The following CHL1 variants were observed in gnomAD, a reference collection of about 807,000 sequenced individuals.
CHL1 encodes neural cell adhesion molecule L1-like protein.
A neutral mutation model predicts 141.9 loss-of-function variants in CHL1; 96 were observed. That is an observed-to-expected ratio of 0.68 (90% CI 0.57 to 0.80). The LOEUF is 0.80. Among genes scored for constraint, CHL1 ranks in the 30% least tolerant of loss-of-function variants. The pLI is 0.00. For missense variants in CHL1, 1,820 were observed against 1,457.2 expected, an observed-to-expected ratio of 1.25 and a Z score of -4.05; for synonymous variants, 613 against 502.2, an observed-to-expected ratio of 1.22 and a Z score of -2.95.
At chr3:370,853 A>G (rs1705541659) in intron 15 of CHL1, among the ~76,000 whole-genome samples, 1 of 152,042 alleles carries the variant, frequency 6.6e-6, no homozygotes, top group East Asian at 1.9e-4. Context: ...CCTTAATTTC[A>G]TTATTTACCT....
rs148126778 is a variant in CHL1, at chr3:302,854, T to C, written c.-94-16829T>C. ...TCTGAATGGTATTGCCCAGGTTTTC[T>C]TCTAGAGTTTTTATGGTCTAGGTCT... On this transcript the variant is annotated intron_variant, in intron 2 of 27. Transcript: ENST00000256509. 1.6e-3 allele frequency among the ~76,000 whole-genome samples: 250 copies of C among 152,352 alleles called. 2 individuals carry two copies. The highest frequency in any genetic ancestry group is 5.8e-3 in the African/African-American group (242 of 41,578).
chr3:209,533 T>C (rs1699719909), intron 1 of CHL1, among the ~76,000 whole-genome samples: 1 of 152,224 alleles, frequency 6.6e-6, no homozygotes, highest in Non-Finnish European at 1.5e-5. Flanking sequence ...TTCAATAATG[T>C]TAAATACAAA....
chr3:280,093 A>T (rs945693881), intron 2 of CHL1, among the ~76,000 whole-genome samples: 2 of 152,232 alleles, frequency 1.3e-5, no homozygotes, highest in African/African-American at 4.8e-5. Flanking sequence ...TGTAAAGATA[A>T]GTATTTTGGA....
chr3:386,947 C>T (rs1158214070), intron 19 of CHL1, among the ~76,000 whole-genome samples: 1 of 151,980 alleles, frequency 6.6e-6, no homozygotes, highest in Admixed American at 6.6e-5. Context: ...TTTTGAGTAG[C>T]TCAATTTAGC....
Position 401,655 on chromosome 3 carries a change from C to A in CHL1, c.3415C>A (p.Pro1139Thr), listed in dbSNP as rs746970271. ...VKEKEDLHPD[P>T]EIQSVKDETF... ...AGAAAAGGAAGATTTGCATCCAGAC[C>A]CAGAAATTCAGTCAGTAAAAGATGA... Residue 1139 changes from proline to threonine, a missense_variant, in exon 27 of 28, where the codon CCA (proline) becomes ACA (threonine). Physicochemically the swap from Pro to Thr is conservative, Grantham distance 38. Transcript: ENST00000256509. 2 of 1,595,262 alleles carry A rather than the reference C, an allele frequency of 1.3e-6. No individual in the cohort carries two copies. Among genetic ancestry groups the A allele is most frequent in the East Asian group, 4.5e-5 (2 of 44,318 alleles).
intron 2 of CHL1, among the ~76,000 whole-genome samples, chr3:248,962 G>A (rs535948399): frequency 6.6e-6 from 1 of 152,274 alleles, no homozygotes; most frequent in East Asian, 1.9e-4. Flanking sequence ...AAATAACTCA[G>A]AGCAAAATCC....
intron 1 of CHL1, among the ~76,000 whole-genome samples, chr3:207,938 C>G (rs188674063): frequency 4.7e-4 from 72 of 152,298 alleles, no homozygotes; most frequent in African/African-American, 1.6e-3. Flanking sequence ...ATGCACACTT[C>G]TGAGTCAAGT....
rs1158651422 is a variant in CHL1 at position 408,575 on chromosome 3, A to G, written c.*2864A>G. The G allele has an allele frequency of 6.6e-6, 1 of 152,092 alleles. No homozygotes were observed. Among genetic ancestry groups the G allele is most frequent in the African/African-American group, 2.4e-5 (1 of 41,416 alleles). 9.4% of individuals were successfully genotyped at this position (152,092 alleles called of 1,614,324 possible). A position where few individuals can be genotyped will look rare whatever the true frequency, so the allele number is the denominator to read the frequency against. ...AGATGCCTTCTAACTTCATAAGCAAACCTTTAACTAATTATGTATCTGAAA... is the reference window on the plus strand; with the variant it reads ...AGATGCCTTCTAACTTCATAAGCAAGCCTTTAACTAATTATGTATCTGAAA... On this transcript the variant is annotated 3_prime_UTR_variant, in exon 28 of 28. Transcript: ENST00000256509.
intron 19 of CHL1, 121 bp from the exon 20 acceptor site, chr3:389,131 A>G (rs901073851): frequency 6.4e-6 from 5 of 783,580 alleles, no homozygotes; most frequent in South Asian, 5.5e-5. Context: ...GGGGGATTTA[A>G]GATCTCTCAA....
chr3:377,909 A>T lies in CHL1; in HGVS notation c.1843A>T (p.Ser615Cys). ...YCCSAHTALD[S>C]AADITQVTVL... is the part of the protein sequence containing the mutation. ...CTGTTCAGCTCATACTGCTCTAGAC[A>T]GTGCTGCCGATATAACTCAAGTAAC... The change falls in exon 16 of 28, where the codon AGT becomes TGT. Residue 615 changes from serine (S) to cysteine (C), a missense_variant. Physicochemically the swap from Ser to Cys is moderately radical, Grantham distance 112. Transcript: ENST00000256509. 1 of 1,610,712 alleles carries T rather than the reference A, an allele frequency of 6.2e-7. No individual in the cohort carries two copies. The highest frequency in any genetic ancestry group is 8.5e-7 in the Non-Finnish European group (1 of 1,178,630).
intron 15 of CHL1, among the ~76,000 whole-genome samples, chr3:374,715 G>A (rs1706095291): frequency 6.6e-6 from 1 of 152,202 alleles, no homozygotes; most frequent in Non-Finnish European, 1.5e-5. Context: ...AAGCCTGGGA[G>A]TAACTGCTGC....
At chr3:217,339 T>C (rs1159380989) in intron 1 of CHL1, among the ~76,000 whole-genome samples, 1 of 152,116 alleles carries the variant, frequency 6.6e-6, no homozygotes, top group Admixed American at 6.6e-5. Context: ...GCATCAAATA[T>C]TTATTGAGCT....
chr3:364,316 G>A (rs1207353442), intron 14 of CHL1, among the ~76,000 whole-genome samples: 1 of 152,152 alleles, frequency 6.6e-6, no homozygotes. Context: ...TATCTCTGAT[G>A]TCTTTTACAT....
At chr3:396,332 T>C (rs1708662753) in intron 24 of CHL1, among the ~76,000 whole-genome samples, 1 of 152,170 alleles carries the variant, frequency 6.6e-6, no homozygotes, top group Admixed American at 6.5e-5. Context: ...AACATGCAAC[T>C]GCCATATTTT....
chr3:337,962 T>A (rs527695792), intron 5 of CHL1, among the ~76,000 whole-genome samples: 1 of 152,200 alleles, frequency 6.6e-6, no homozygotes, highest in Non-Finnish European at 1.5e-5. Flanking sequence ...TCCACAATGG[T>A]TGAACCAGTT....
At chr3:309,485 CTT>C (rs1214451684) in intron 2 of CHL1, among the ~76,000 whole-genome samples, 2 of 148,468 alleles carry the variant, frequency 1.3e-5, no homozygotes, top group South Asian at 2.1e-4. Flanking sequence ...CTCTCTCTCT[CTT>C]TCTTTCTTTT....
rs185210143 is a variant in CHL1, at chr3:407,541, G to C, written c.*1830G>C. ...AATGTGAGGATGTAGACATCCATCA[G>C]TGCAACTCGAGCTCCATCCTCCTCC... On this transcript the variant is annotated 3_prime_UTR_variant, in exon 28 of 28. Coordinates refer to ENST00000256509, the MANE Select transcript of CHL1 (RefSeq NM_006614.4). 6.6e-6 allele frequency: 1 copy of C among 152,206 alleles called. No individual in the cohort carries two copies. Among genetic ancestry groups the C allele is most frequent in the East Asian group, 1.9e-4 (1 of 5,154 alleles). The allele number at this position is 152,206 out of a possible 1,614,324, so 9.4% of individuals were successfully genotyped here. A position where few individuals can be genotyped will look rare whatever the true frequency, so the allele number is the denominator to read the frequency against.
intron 14 of CHL1, among the ~76,000 whole-genome samples, chr3:364,751 T>C (rs1376294653): frequency 6.6e-6 from 1 of 152,206 alleles, no homozygotes; most frequent in Non-Finnish European, 1.5e-5. Context: ...GTTCAAATCC[T>C]GGTTCAGCCC....
intron 26 of CHL1, among the ~76,000 whole-genome samples, chr3:400,328 G>A (rs766543077): frequency 6.6e-6 from 1 of 152,172 alleles, no homozygotes; most frequent in Non-Finnish European, 1.5e-5. Context: ...GAATGATTAT[G>A]AATTAAGTTC....
Sources: gnomAD v4.1 joint callset for allele counts (sites outside exome capture counted in the v4.1 genomes callset) on GRCh38, gnomAD v4.1.1 for gene constraint, MANE v1.5 for transcripts, NCBI Gene and HGNC (gene_info 2026-07-23, HGNC 2026-07-21) for gene names.